Variants in RBFOX1 observed in about 807,000 individuals in gnomAD.
RBFOX1 encodes RNA binding protein fox-1 homolog 1.
A neutral mutation model predicts 57.7 loss-of-function variants in RBFOX1; 8 were observed. That is an observed-to-expected ratio of 0.14 (90% CI 0.08 to 0.25). RBFOX1 has a LOEUF of 0.25. Ranked by LOEUF, RBFOX1 falls within the 10% of genes least tolerant of loss-of-function variation. RBFOX1 has a pLI of 1.00. For synonymous variants in RBFOX1, 326 were observed against 222.4 expected (o/e 1.47, Z -4.15); for missense variants, 611 against 548.5 (o/e 1.11, Z -1.14).
At position 7,692,821 on chromosome 16, in the gene RBFOX1, T is replaced by C. The variant is rs540556535; in HGVS notation, c.995+15983T>C. 3.9e-5 allele frequency among the ~76,000 whole-genome samples: 6 copies of C among 152,300 alleles called. No individual in the cohort carries two copies. The East Asian group carries it at 9.6e-4, about 24-fold the overall frequency. On this transcript the variant is annotated intron_variant, in intron 14 of 15. Coordinates refer to ENST00000550418, the MANE Select transcript of RBFOX1 (RefSeq NM_018723.4). ...GCTCTATGTAGCAAGCTGGGTTTGA[T>C]GAGGAAATTATTATCCATAACACAT...
chr16:5,406,223 C>CG (rs1288578454), intron 1 of RBFOX1, among the ~76,000 whole-genome samples: 5 of 151,920 alleles, frequency 3.3e-5, no homozygotes, highest in Non-Finnish European at 5.9e-5. Flanking sequence ...GGGGTGATGG[C>CG]GGGGGGGATT....
intron 3 of RBFOX1, among the ~76,000 whole-genome samples, chr16:6,988,723 C>T (rs1413906811): frequency 2.8e-5 from 4 of 144,076 alleles, no homozygotes; most frequent in Non-Finnish European, 4.5e-5. Flanking sequence ...TGACATCACA[C>T]CCAGCTAATT....
At chr16:7,619,165 C>T (rs2058919998) in intron 10 of RBFOX1, among the ~76,000 whole-genome samples, 1 of 151,956 alleles carries the variant, frequency 6.6e-6, no homozygotes, top group Non-Finnish European at 1.5e-5. Flanking sequence ...TTGTATTAAA[C>T]CCAGTATCAT....
chr16:6,836,833 T>C (rs1400773263), intron 3 of RBFOX1, among the ~76,000 whole-genome samples: 3 of 152,224 alleles, frequency 2.0e-5, no homozygotes, highest in Non-Finnish European at 2.9e-5. Flanking sequence ...GTAAATATTA[T>C]GTGTGAGTCC....
At chr16:7,212,972 C>T (rs1219650989) in intron 4 of RBFOX1, among the ~76,000 whole-genome samples, 3 of 152,194 alleles carry the variant, frequency 2.0e-5, no homozygotes, top group African/African-American at 7.2e-5. Flanking sequence ...TTCTATGGAA[C>T]ACTTGACTTG....
chr16:7,178,878 C>G (rs1447135542), intron 4 of RBFOX1, among the ~76,000 whole-genome samples: 1 of 152,042 alleles, frequency 6.6e-6, no homozygotes, highest in East Asian at 1.9e-4. Context: ...CTGTACTGAT[C>G]CAGTTTGGTT....
chr16:7,661,751 T>A (rs938106025), intron 12 of RBFOX1, among the ~76,000 whole-genome samples: 7 of 152,180 alleles, frequency 4.6e-5, no homozygotes, highest in Non-Finnish European at 1.0e-4. Flanking sequence ...AGAGAAATAG[T>A]ATGTATTTGG....
intron 1 of RBFOX1, among the ~76,000 whole-genome samples, chr16:6,151,921 A>G (rs13380453): frequency 0.51 from 77,221 of 152,030 alleles, 20,300 homozygotes; most frequent in African/African-American, 0.59. Flanking sequence ...TATAGAAGTT[A>G]CTTGCTTAAA....
chr16:7,030,858 T>G (rs2042609031), intron 3 of RBFOX1, among the ~76,000 whole-genome samples: 1 of 152,200 alleles, frequency 6.6e-6, no homozygotes, highest in African/African-American at 2.4e-5. Context: ...CATTTTTTCT[T>G]TTGTCTTAGG....
intron 3 of RBFOX1, among the ~76,000 whole-genome samples, chr16:7,031,593 C>T (rs1468317196): frequency 1.4e-5 from 2 of 146,126 alleles, no homozygotes; most frequent in Admixed American, 6.8e-5. Flanking sequence ...AGAGTGAGAC[C>T]CTGCCTAAAA....
At chr16:7,557,643 GAAAAAGAAAAAA>G (rs2089060196) in intron 5 of RBFOX1, among the ~76,000 whole-genome samples, 2 of 73,352 alleles carry the variant, frequency 2.7e-5, no homozygotes, top group Non-Finnish European at 6.2e-5. Context: ...AAAAAAAAAA[GAAAAAGAAAAAA>G]AAAAAGCATT....
intron 4 of RBFOX1, among the ~76,000 whole-genome samples, chr16:7,373,695 G>T (rs1047817415): frequency 6.6e-5 from 10 of 152,294 alleles, no homozygotes; most frequent in African/African-American, 2.4e-4. Flanking sequence ...AATTGCAATG[G>T]TCAGTTATTG....
intron 2 of RBFOX1, among the ~76,000 whole-genome samples, chr16:6,568,325 T>A (rs1338741386): frequency 6.6e-6 from 1 of 152,194 alleles, no homozygotes; most frequent in Non-Finnish European, 1.5e-5. Context: ...ATATGGATAT[T>A]GGCAGGCCTC....
chr16:5,748,312 G>C (rs2053063912), intron 3 of RBFOX1, among the ~76,000 whole-genome samples: 1 of 152,110 alleles, frequency 6.6e-6, no homozygotes, highest in South Asian at 2.1e-4. Context: ...GTCAATTTTG[G>C]AATAAGTGTG....
chr16:6,124,252 C>T (rs1164216788), intron 1 of RBFOX1, among the ~76,000 whole-genome samples: 1 of 152,200 alleles, frequency 6.6e-6, no homozygotes, highest in Non-Finnish European at 1.5e-5. Flanking sequence ...TGCTACCCAG[C>T]TCCCTCTAAA....
intron 4 of RBFOX1, among the ~76,000 whole-genome samples, chr16:7,455,214 G>C (rs566767899): frequency 1.3e-5 from 2 of 152,274 alleles, no homozygotes; most frequent in African/African-American, 2.4e-5. Flanking sequence ...AAATGCTTTG[G>C]TTCTAGCTAA....
At position 5,914,598 on chromosome 16, in the gene RBFOX1, G is replaced by GA. The variant is rs1297379164; in HGVS notation, c.351+47271dup. ...TGGTGATGAGAGAGAGAGAGCAAAA[G>GA]AAAAAAAAGGGAGAGAGGCCGGGCG... On this transcript the variant is annotated intron_variant, in intron 4 of 19. Coordinates refer to the RBFOX1 transcript ENST00000641259. Among the ~76,000 whole-genome samples, 9 of 151,520 alleles carry GA rather than the reference G, an allele frequency of 5.9e-5. No homozygotes were observed. The East Asian group carries it at 1.4e-3, about 23-fold the overall frequency.
At chr16:5,705,395 G>A (rs1160228530) in intron 3 of RBFOX1, among the ~76,000 whole-genome samples, 3 of 152,232 alleles carry the variant, frequency 2.0e-5, no homozygotes, top group Non-Finnish European at 2.9e-5. Flanking sequence ...CTGAGTAGCT[G>A]GGACTACAGG....
At chr16:7,710,554 C>T (rs2083857387) in intron 15 of RBFOX1, 69 bp from the exon 16 acceptor site, 5 of 1,594,328 alleles carry the variant, frequency 3.1e-6, no homozygotes, top group Admixed American at 1.8e-5. Flanking sequence ...TCACATTAGT[C>T]TTTTTGATGA....
Sources: allele counts gnomAD v4.1 joint callset (sites outside exome capture counted in the v4.1 genomes callset), GRCh38; gene constraint gnomAD v4.1.1; transcripts MANE v1.5; gene names NCBI Gene and HGNC (gene_info 2026-07-23, HGNC 2026-07-21).